The following TSC22D3 variants were observed in gnomAD, a reference collection of about 807,000 sequenced individuals.
TSC22D3 encodes TSC22 domain family member 3, also known as TSC22 domain family protein 3.
TSC22D3 carries 4 observed loss-of-function variants against 11.1 expected under a neutral mutation model. That is an observed-to-expected ratio of 0.36 (90% CI 0.18 to 0.83). The LOEUF is 0.83. TSC22D3 is among the 40% of genes least tolerant of loss of function. The pLI is 0.48. For synonymous variants in TSC22D3, 77 were observed against 70.3 expected (o/e 1.10, Z -0.48); for missense variants, 118 against 159.4 (o/e 0.74, Z 1.40).
At chrX:107,728,291 CTG>C (rs927791787) in intron 1 of TSC22D3, among the ~76,000 whole-genome samples, 1 of 112,633 alleles carries the variant, frequency 8.9e-6, no homozygotes, top group African/African-American at 3.2e-5. Flanking sequence ...CTGAGAGAAA[CTG>C]TGCAGTTACA....
At chrX:107,716,489 C>A (rs1053932049) in intron 1 of TSC22D3, 2 of 1,011,274 alleles carry the variant, frequency 2.0e-6, no homozygotes, top group Admixed American at 4.7e-5. Flanking sequence ...GCGCAGCGGC[C>A]GCAGGGACGC....
intron 1 of TSC22D3, among the ~76,000 whole-genome samples, chrX:107,739,061 T>C: frequency 8.9e-6 from 1 of 112,819 alleles, no homozygotes; most frequent in Non-Finnish European, 1.9e-5. Context: ...AAATAAGGAA[T>C]CAGTCGTAGC....
chrX:107,728,562 C>T (rs1927749587), intron 1 of TSC22D3, among the ~76,000 whole-genome samples: 2 of 111,931 alleles, frequency 1.8e-5, no homozygotes, highest in Admixed American at 9.4e-5. Context: ...AGCAGGGTGG[C>T]CAAGTCTCAG....
At chrX:107,768,466 C>A (rs966828010) in intron 1 of TSC22D3, among the ~76,000 whole-genome samples, 6 of 112,587 alleles carry the variant, frequency 5.3e-5, no homozygotes, top group South Asian at 7.3e-4. Flanking sequence ...CCCTGGAAAG[C>A]ATTATTTGCT....
rs1022382485 is a variant in TSC22D3, at chrX:107,737,543, C to T, written c.321-21593G>A. Among the ~76,000 whole-genome samples the T allele has an allele frequency of 3.6e-5, 4 of 111,229 alleles. 1 individual carries two copies. The highest frequency in any genetic ancestry group is 1.9e-4 in the Admixed American group (2 of 10,538). On this transcript the variant is annotated intron_variant, in intron 1 of 2. Transcript: ENST00000372383. ...CCATGGGTATATTCTACCTTCCCTC[C>T]GTGCACAAAGAGGGTGGCTGCCTCC...
intron 1 of TSC22D3, among the ~76,000 whole-genome samples, chrX:107,769,132 G>A (rs1377901805): frequency 3.6e-5 from 4 of 112,451 alleles, no homozygotes; most frequent in African/African-American, 9.7e-5. Context: ...GCTGGGCAAT[G>A]CCACTCCTAG....
chrX:107,770,061 A>G (rs1325599805), intron 1 of TSC22D3, among the ~76,000 whole-genome samples: 2 of 112,555 alleles, frequency 1.8e-5, no homozygotes, highest in African/African-American at 6.5e-5. Flanking sequence ...CAAAAATCAC[A>G]AAGGCAAAGA....
chrX:107,735,752 A>G (rs1456677345), intron 1 of TSC22D3, among the ~76,000 whole-genome samples: 1 of 106,363 alleles, frequency 9.4e-6, no homozygotes, highest in Non-Finnish European at 1.9e-5. Context: ...TTGCTCTCAG[A>G]ATGCCATTCT....
chrX:107,723,289 A>T (rs962872888), intron 1 of TSC22D3, among the ~76,000 whole-genome samples: 1 of 112,033 alleles, frequency 8.9e-6, no homozygotes, highest in Non-Finnish European at 1.9e-5. Context: ...CCCTTCCTTA[A>T]CTGCAGGGCT....
intron 1 of TSC22D3, among the ~76,000 whole-genome samples, chrX:107,753,061 G>C (rs967409610): frequency 1.1e-4 from 12 of 111,790 alleles, no homozygotes; most frequent in Non-Finnish European, 1.9e-4. Context: ...ACTGTGGCTG[G>C]CTCAAGGGCC....
At chrX:107,716,557 C>G in intron 1 of TSC22D3, 2 of 837,010 alleles carry the variant, frequency 2.4e-6, no homozygotes, top group East Asian at 1.7e-4. Flanking sequence ...CCCTCCCCCC[C>G]GCCCCTTCCC....
At position 107,713,667 on chromosome X, in the gene TSC22D3, C is replaced by T. The variant is rs1926849390; in HGVS notation, c.*852G>A. 1 of 111,708 alleles carries T rather than the reference C, an allele frequency of 9.0e-6. No individual in the cohort carries two copies. The highest frequency in any genetic ancestry group is 2.8e-4 in the East Asian group (1 of 3,558). The allele number at this position is 111,708 out of a possible 1,213,427, so 9.2% of individuals were successfully genotyped here. ...TCCGTGGCCGCATTCAGAGGCTGGCCCCCCTCCTTGCCTTTACTCTCGAGT... is the reference window on the plus strand; with the variant it reads ...TCCGTGGCCGCATTCAGAGGCTGGCTCCCCTCCTTGCCTTTACTCTCGAGT... On this transcript the variant is annotated 3_prime_UTR_variant, in exon 3 of 3. Coordinates refer to ENST00000372383, the MANE Select transcript of TSC22D3 (RefSeq NM_198057.3).
intron 1 of TSC22D3, among the ~76,000 whole-genome samples, chrX:107,750,614 C>T (rs981904976): frequency 1.8e-5 from 2 of 111,145 alleles, no homozygotes; most frequent in African/African-American, 6.6e-5. Context: ...GGAGAGGGGG[C>T]GGCTGAGAAC....
At chrX:107,740,241 A>T (rs1294098098) in intron 1 of TSC22D3, among the ~76,000 whole-genome samples, 1 of 112,049 alleles carries the variant, frequency 8.9e-6, no homozygotes, top group African/African-American at 3.3e-5. Context: ...GTGACTAAGC[A>T]TATGAGCATG....
At chrX:107,758,798 G>T (rs1929293956) in intron 1 of TSC22D3, among the ~76,000 whole-genome samples, 1 of 112,130 alleles carries the variant, frequency 8.9e-6, no homozygotes, top group African/African-American at 3.2e-5. Flanking sequence ...TGGTTAAGGA[G>T]CTTATTAACA....
intron 1 of TSC22D3, among the ~76,000 whole-genome samples, chrX:107,726,844 C>T (rs1428995824): frequency 2.7e-5 from 3 of 111,323 alleles, no homozygotes; most frequent in Non-Finnish European, 3.8e-5. Context: ...GAACACTAGC[C>T]CCTATGTCCT....
At chrX:107,745,060 C>T (rs751762473) in intron 1 of TSC22D3, among the ~76,000 whole-genome samples, 1 of 112,161 alleles carries the variant, frequency 8.9e-6, no homozygotes, top group South Asian at 3.7e-4. Flanking sequence ...TGGATGTATC[C>T]GTTGCAGCAA....
chrX:107,733,916 C>T (rs1363674644), intron 1 of TSC22D3, among the ~76,000 whole-genome samples: 3 of 111,877 alleles, frequency 2.7e-5, no homozygotes, highest in Admixed American at 9.4e-5. Context: ...AGGCACTGCC[C>T]GTCTGCTCTT....
chrX:107,715,780 C>T, intron 2 of TSC22D3, 119 bp downstream of exon 2: 1 of 872,588 alleles, frequency 1.1e-6, no homozygotes, highest in African/African-American at 1.9e-5. Flanking sequence ...AGGAGGCAGG[C>T]TGTCGGCTTC....
Sources: allele counts gnomAD v4.1 joint callset (sites outside exome capture counted in the v4.1 genomes callset), GRCh38; gene constraint gnomAD v4.1.1; transcripts MANE v1.5; gene names NCBI Gene and HGNC (gene_info 2026-07-23, HGNC 2026-07-21).